The following KIF18B variants were observed in gnomAD, a reference collection of about 807,000 sequenced individuals.
KIF18B encodes the protein kinesin family member 18B, also known as kinesin-like protein KIF18B.
Under a neutral mutation model 80.9 loss-of-function variants are expected in KIF18B, and 49 were observed. The observed-to-expected ratio is 0.61, with a 90% CI of 0.48 to 0.77. The LOEUF is 0.77. Among genes scored for constraint, KIF18B ranks in the 30% least tolerant of loss-of-function variants. The pLI is 0.00. For missense variants in KIF18B, 994 were observed against 1,127.7 expected, an observed-to-expected ratio of 0.88 and a Z score of 1.70; for synonymous variants, 439 against 463.9, an observed-to-expected ratio of 0.95 and a Z score of 0.69.
chr17:44,943,160 C>T (rs1169922817), intron 1 of KIF18B, among the ~76,000 whole-genome samples: 15 of 151,826 alleles, frequency 9.9e-5, no homozygotes, highest in Admixed American at 7.9e-4. Flanking sequence ...AGTGCAGTGG[C>T]GCCATCTCGG....
intron 1 of KIF18B, among the ~76,000 whole-genome samples, chr17:44,938,106 C>A (rs561532401): frequency 1.6e-4 from 24 of 152,286 alleles, no homozygotes; most frequent in Non-Finnish European, 3.5e-4. Context: ...ACCTCTGCCT[C>A]CCAGGTTCAA....
rs1236128135 is a variant in KIF18B, at chr17:44,925,790, A to G, written c.*290T>C. The G allele has an allele frequency of 2.3e-6, 1 of 439,174 alleles. No homozygotes were observed. Among genetic ancestry groups the G allele is most frequent in the African/African-American group, 2.1e-5 (1 of 48,494 alleles). 27.2% of individuals were successfully genotyped at this position (439,174 alleles called of 1,614,324 possible). A position where few individuals can be genotyped will look rare whatever the true frequency, so the allele number is the denominator to read the frequency against. On this transcript the variant is annotated 3_prime_UTR_variant, in exon 16 of 16. Coordinates refer to ENST00000593135, the MANE Select transcript of KIF18B (RefSeq NM_001265577.2). ...AGTAAGACTCCATCTCAAAACAAAA[A>G]AAACAAAAAACAAAAACCACCAAAA...
At chr17:44,936,582 CTCTCTCTCTCTCTCTCTATATA>C (rs1342867677) in intron 1 of KIF18B, among the ~76,000 whole-genome samples, 32 of 57,098 alleles carry the variant, frequency 5.6e-4, no homozygotes, top group African/African-American at 1.6e-3. Context: ...CTCTCTCTCT[CTCTCTCTCTCTCTCTCTATATA>C]TATATATATA....
At position 44,932,700 on chromosome 17, in the gene KIF18B, G is replaced by A; in HGVS notation, c.1211C>T (p.Ser404Phe). The A allele has an allele frequency of 6.2e-7, 1 of 1,612,416 alleles. No individual in the cohort carries two copies. Among genetic ancestry groups the A allele is most frequent in the Non-Finnish European group, 8.5e-7 (1 of 1,179,542 alleles). ...GQPPPQDLPG[S>F]PKSGPPPEHQ... ...TTCTGGTGGTGGTCCCGACTTGGGAGATCCTGGGAGGTCCTGTGGTGGGGG... is the reference window on the plus strand; with the variant it reads ...TTCTGGTGGTGGTCCCGACTTGGGAAATCCTGGGAGGTCCTGTGGTGGGGG... Residue 404 changes from serine to phenylalanine, a missense_variant, in exon 9 of 16, where the codon TCT becomes TTT. Coordinates refer to ENST00000593135, the MANE Select transcript of KIF18B (RefSeq NM_001265577.2).
At chr17:44,937,559 T>A (rs1451767655) in intron 1 of KIF18B, among the ~76,000 whole-genome samples, 1 of 152,236 alleles carries the variant, frequency 6.6e-6, no homozygotes. Flanking sequence ...CAGCTGATAA[T>A]TACTAGTATG....
chr17:44,934,129 G>A lies in KIF18B; in HGVS notation c.886-30C>T, dbSNP rs368341784. 20 of 1,607,696 alleles carry A rather than the reference G, an allele frequency of 1.2e-5. No homozygotes were observed. In the Admixed American group the frequency reaches 2.2e-4, roughly 18 times the overall value. On this transcript the variant is annotated intron_variant, in intron 6 of 15. Coordinates refer to ENST00000593135, the MANE Select transcript of KIF18B (RefSeq NM_001265577.2). This position sits in a 1 kb window ranked among gnomAD's most constrained non-coding sequence, Gnocchi z 5.4. The stretch of plus-strand genomic sequence containing the variant: ...GGGGCAGTAAGCAGGTGTGGGGTGA[G>A]GCGACTGATGGCACTGACCCAGGAT...
rs1380133460 is a variant in KIF18B, at chr17:44,932,304, G to A, written c.1239-98C>T. On this transcript the variant is annotated intron_variant, in intron 9 of 15. Coordinates refer to ENST00000593135, the MANE Select transcript of KIF18B (RefSeq NM_001265577.2). ...GGCCAGGTGGGAGAGCAGGGAGCGG[G>A]TGGGATCTCTGTGGCACCCAGGTCG... 11 of 1,401,274 alleles carry A rather than the reference G, an allele frequency of 7.8e-6. No homozygotes were observed. The East Asian group carries it at 9.4e-5, about 12-fold the overall frequency. The allele number at this position is 1,401,274 out of a possible 1,614,324, so 86.8% of individuals were successfully genotyped here.
In KIF18B at chr17:44,926,059, G is replaced by A. The variant is rs759300588; in HGVS notation, c.*21C>T. 2.5e-6 allele frequency: 4 copies of A among 1,613,790 alleles called. No individual in the cohort carries two copies. The South Asian group carries it at 4.4e-5, about 18-fold the overall frequency. ...GGGGCCGGTAGGTTAGGACACCTTG[G>A]TGGTCAGGACATTCTGGCGGTCAGG... is the stretch of plus-strand genomic sequence containing the variant. On this transcript the variant is annotated 3_prime_UTR_variant, in exon 16 of 16. Coordinates refer to ENST00000593135, the MANE Select transcript of KIF18B (RefSeq NM_001265577.2).
At position 44,925,845 on chromosome 17, in the gene KIF18B, C is replaced by A; in HGVS notation, c.*235G>T. On this transcript the variant is annotated 3_prime_UTR_variant, in exon 16 of 16. Transcript: ENST00000593135. ...AAAAACAGCAGCACATTAACACTCA[C>A]AAATGAATATGTACATGCCAAGAAG... is the stretch of plus-strand genomic sequence containing the variant. 1.7e-6 allele frequency: 1 copy of A among 571,540 alleles called. No individual in the cohort carries two copies. The highest frequency in any genetic ancestry group is 3.4e-4 in the Middle Eastern group (1 of 2,954). The allele number at this position is 571,540 out of a possible 1,614,324, so 35.4% of individuals were successfully genotyped here.
intron 1 of KIF18B, among the ~76,000 whole-genome samples, chr17:44,945,831 T>G (rs67136916): frequency 0.64 from 95,386 of 149,874 alleles, 31,399 homozygotes; most frequent in African/African-American, 0.82. Context: ...GCTTGAATCT[T>G]GGAGGCGGAG....
intron 2 of KIF18B, 55 bp from the exon 3 acceptor site, chr17:44,935,471 C>A: frequency 6.6e-7 from 1 of 1,509,550 alleles, no homozygotes; most frequent in East Asian, 2.3e-5. Context: ...CCAGCTCAGC[C>A]CTTCCCTCCT....
Position 44,925,974 on chromosome 17 carries a change from G to C in KIF18B, c.*106C>G. 8.4e-7 allele frequency: 1 copy of C among 1,193,382 alleles called. No individual in the cohort carries two copies. The highest frequency in any genetic ancestry group is 1.3e-5 in the South Asian group (1 of 79,216). The allele number at this position is 1,193,382 out of a possible 1,614,324, so 73.9% of individuals were successfully genotyped here. On this transcript the variant is annotated 3_prime_UTR_variant, in exon 16 of 16. Coordinates refer to ENST00000593135, the MANE Select transcript of KIF18B (RefSeq NM_001265577.2). ...GTTGGCACTAATTGCTCCCAGGTAA[G>C]GAAGGCAGGTCCAGCTCCTGGTGCA... is the stretch of plus-strand genomic sequence containing the variant.
In KIF18B at chr17:44,927,034, G is replaced by A; in HGVS notation, c.2321C>T (p.Ser774Phe). ...GCAGGCAGAGGTCCCAGGGAGGGAA[G>A]ATGTTGGCTTGGGGCCCTTCATGGT... ...LFTMKGPKPT[S>F]SLPGTSACKK... Residue 774 changes from serine to phenylalanine, a missense_variant, in exon 14 of 16, where the codon TCT (serine) becomes TTT (phenylalanine). Transcript: ENST00000593135. This position sits in a 1 kb window ranked among gnomAD's most constrained non-coding sequence, Gnocchi z 4.1. 1 of 1,612,980 alleles carries A rather than the reference G, an allele frequency of 6.2e-7. No individual in the cohort carries two copies. Among genetic ancestry groups the A allele is most frequent in the African/African-American group, 1.3e-5 (1 of 75,034 alleles).
intron 3 of KIF18B, 142 bp downstream of exon 3, chr17:44,935,117 C>T (rs2052253873): frequency 1.0e-6 from 1 of 962,004 alleles, no homozygotes; most frequent in African/African-American, 1.7e-5. Flanking sequence ...AGTGCAGCAT[C>T]TCACTGAGCA....
intron 8 of KIF18B, 41 bp downstream of exon 8, chr17:44,932,871 G>A: frequency 1.3e-6 from 2 of 1,588,966 alleles, no homozygotes; most frequent in Non-Finnish European, 1.7e-6. Flanking sequence ...CCTGCCTCTG[G>A]CTGTCGGCCC....
At chr17:44,926,803 G>A (rs1260394567) in intron 14 of KIF18B, among the ~76,000 whole-genome samples, 186 bp downstream of exon 14, 4 of 152,162 alleles carry the variant, frequency 2.6e-5, no homozygotes, top group Non-Finnish European at 4.4e-5. Context: ...GGGTGATCCT[G>A]GGATAGCAAG....
At chr17:44,947,085 G>T (rs890331021) in intron 1 of KIF18B, among the ~76,000 whole-genome samples, 2 of 80,708 alleles carry the variant, frequency 2.5e-5, no homozygotes, top group African/African-American at 1.1e-4. Context: ...CTCCAGCCTG[G>T]GAGACAGAGA....
At position 44,932,895 on chromosome 17, in the gene KIF18B, C is replaced by T; in HGVS notation, c.1137+17G>A. ...GGCTGTCGGCCCTCCAGCCTGCCCC[C>T]AAGGCGGGCTCCTCACCTCAGCCTG... On this transcript the variant is annotated intron_variant, in intron 8 of 15. Coordinates refer to ENST00000593135, the MANE Select transcript of KIF18B (RefSeq NM_001265577.2). 1 of 1,597,674 alleles carries T rather than the reference C, an allele frequency of 6.3e-7. No homozygotes were observed. The highest frequency in any genetic ancestry group is 1.7e-5 in the Admixed American group (1 of 59,298).
At chr17:44,936,943 C>T (rs1227260911) in intron 1 of KIF18B, among the ~76,000 whole-genome samples, 1 of 151,498 alleles carries the variant, frequency 6.6e-6, no homozygotes, top group Non-Finnish European at 1.5e-5. Flanking sequence ...CGCCAGGCCT[C>T]AAATGACTAT....
Sources: gnomAD v4.1 joint callset for allele counts (sites outside exome capture counted in the v4.1 genomes callset) on GRCh38, gnomAD v4.1.1 for gene constraint, Gnocchi (gnomAD v3.1) non-coding constraint, MANE v1.5 for transcripts, NCBI Gene and HGNC (gene_info 2026-07-23, HGNC 2026-07-21) for gene names.